The following SPEN variants were observed in gnomAD, a reference collection of about 807,000 sequenced individuals.
SPEN encodes spen family transcriptional repressor.
Under a neutral mutation model 269.9 loss-of-function variants are expected in SPEN, and 18 were observed. The ratio of observed to expected loss-of-function variants is 0.07; its 90% CI spans 0.05 to 0.10. SPEN has a LOEUF of 0.10. Among genes scored for constraint, SPEN ranks in the 10% least tolerant of loss-of-function variants. The pLI is 1.00. For missense variants in SPEN, 3,822 were observed against 4,631.2 expected (o/e 0.83, Z 5.07); for synonymous variants, 1,726 against 1,765.7 (o/e 0.98, Z 0.56).
At chr1:15,936,344 G>A in intron 11 of SPEN, 78 bp downstream of exon 11, 8 of 1,459,258 alleles carry the variant, frequency 5.5e-6, no homozygotes, top group Non-Finnish European at 7.3e-6. Context: ...GCCAAGATGT[G>A]TGAAAGAAAT....
intron 1 of SPEN, among the ~76,000 whole-genome samples, chr1:15,868,208 G>C (rs2070534252): frequency 6.6e-6 from 1 of 151,182 alleles, no homozygotes; most frequent in African/African-American, 2.4e-5. Context: ...AGGTCTTGCT[G>C]TGTTGTGTAG....
intron 3 of SPEN, among the ~76,000 whole-genome samples, chr1:15,877,738 CTTT>C (rs777782248): frequency 2.8e-5 from 3 of 106,800 alleles, no homozygotes; most frequent in Admixed American, 1.0e-4. Context: ...TCAGCTTTCC[CTTT>C]TTTTTTTTTT....
At chr1:15,871,024 A>C (rs1462255175) in intron 1 of SPEN, among the ~76,000 whole-genome samples, 1 of 152,132 alleles carries the variant, frequency 6.6e-6, no homozygotes, top group African/African-American at 2.4e-5. Context: ...TCTGTTGCCC[A>C]GGGTGGATCT....
intron 3 of SPEN, among the ~76,000 whole-genome samples, chr1:15,888,375 G>A (rs1421826868): frequency 6.6e-6 from 1 of 151,794 alleles, no homozygotes; most frequent in African/African-American, 2.4e-5. Flanking sequence ...CCAGGCGGAA[G>A]TGCAGTAGCA....
intron 3 of SPEN, among the ~76,000 whole-genome samples, chr1:15,886,353 T>C (rs1449167159): frequency 6.6e-6 from 1 of 152,072 alleles, no homozygotes; most frequent in African/African-American, 2.4e-5. Context: ...TGGGGGAAAA[T>C]AGGAACTGTT....
Position 15,937,149 on chromosome 1 carries a change from C to T in SPEN, c.10027-14C>T, listed in dbSNP as rs780423336. On this transcript the variant is annotated splice_polypyrimidine_tract_variant and intron_variant, in intron 11 of 14. Coordinates refer to ENST00000375759, the MANE Select transcript of SPEN (RefSeq NM_015001.3). The surrounding 1 kb of genome is among the most constrained non-coding windows in gnomAD (Gnocchi z 5.7). ...AGACTGACTCTGTCCCTTTGCCTTC[C>T]TTCCCTACACCAGGGCCCTCCTCCT... is the stretch of plus-strand genomic sequence containing the variant. 2 of 1,604,014 alleles carry T rather than the reference C, an allele frequency of 1.2e-6. No individual in the cohort carries two copies. Among genetic ancestry groups the T allele is most frequent in the Non-Finnish European group, 1.7e-6 (2 of 1,173,736 alleles).
intron 1 of SPEN, among the ~76,000 whole-genome samples, chr1:15,857,964 T>C (rs963822194): frequency 6.6e-5 from 10 of 151,944 alleles, no homozygotes; most frequent in Non-Finnish European, 1.2e-4. Flanking sequence ...CCTGTGTCTA[T>C]TAAAAATACA....
chr1:15,931,317 C>G lies in SPEN; in HGVS notation c.5077C>G (p.Pro1693Ala). The change falls in exon 11 of 15, where the codon CCT becomes GCT. Residue 1693 changes from proline to alanine, a missense_variant. Pro to Ala is a conservative substitution (Grantham distance 27). Coordinates refer to ENST00000375759, the MANE Select transcript of SPEN (RefSeq NM_015001.3). This position sits in a 1 kb window ranked among gnomAD's most constrained non-coding sequence, Gnocchi z 4.8. ...AKPASEPAPA[P>A]VEQLEQVDLP... ...GCCTGCATCTGAACCTGCTCCTGCCCCTGTGGAACAGCTGGAACAAGTAGA... is the reference window on the plus strand; with the variant it reads ...GCCTGCATCTGAACCTGCTCCTGCCGCTGTGGAACAGCTGGAACAAGTAGA... 6.2e-7 allele frequency: 1 copy of G among 1,614,180 alleles called. No homozygotes were observed. The highest frequency in any genetic ancestry group is 8.5e-7 in the Non-Finnish European group (1 of 1,180,028).
At chr1:15,914,597 C>T (rs935763897) in intron 5 of SPEN, among the ~76,000 whole-genome samples, 5 of 151,880 alleles carry the variant, frequency 3.3e-5, no homozygotes, top group Non-Finnish European at 5.9e-5. Context: ...TTGAGGCGGG[C>T]GGATCACCTG....
At chr1:15,857,789 T>C (rs910101294) in intron 1 of SPEN, among the ~76,000 whole-genome samples, 1 of 152,138 alleles carries the variant, frequency 6.6e-6, no homozygotes, top group Non-Finnish European at 1.5e-5. Flanking sequence ...GCCTTCTCAG[T>C]ATCTGGGACT....
At chr1:15,876,171 G>T in intron 2 of SPEN, 31 bp from the exon 3 acceptor site, 1 of 1,557,998 alleles carries the variant, frequency 6.4e-7, no homozygotes, top group South Asian at 1.1e-5. Context: ...GCTCCTTTCT[G>T]ATTAAATATT....
At chr1:15,897,663 A>C (rs1318942610) in intron 3 of SPEN, among the ~76,000 whole-genome samples, 2 of 149,546 alleles carry the variant, frequency 1.3e-5, no homozygotes, top group Non-Finnish European at 3.0e-5. Context: ...CGCCTGGCCT[A>C]ATTTTTGTAT....
rs779218124 is a variant in SPEN, at chr1:15,873,050, G to A, written c.318G>A (p.Gly106=). ...CATCTCGTAGTAGAGAGGTTTCTGG[G>A]TTCAGAGGAGGTGGTGGAGGGCCTG... The part of the protein sequence containing the change: ...SIASRSREVS[G]FRGGGGGPAY... Residue 106 remains glycine (G), a synonymous_variant, in exon 2 of 15, where the codon GGG becomes GGA. Coordinates refer to ENST00000375759, the MANE Select transcript of SPEN (RefSeq NM_015001.3). 2 of 1,614,150 alleles carry A rather than the reference G, an allele frequency of 1.2e-6. No homozygotes were observed. The highest frequency in any genetic ancestry group is 2.2e-5 in the East Asian group (1 of 44,892).
chr1:15,918,790 T>G (rs896371929), intron 6 of SPEN, 136 bp from the exon 7 acceptor site: 5 of 634,292 alleles, frequency 7.9e-6, no homozygotes, highest in Non-Finnish European at 1.3e-5. Flanking sequence ...TGTATTAAGG[T>G]GTACAGTTTT....
At chr1:15,889,812 C>G (rs943847632) in intron 3 of SPEN, among the ~76,000 whole-genome samples, 1 of 152,082 alleles carries the variant, frequency 6.6e-6, no homozygotes, top group Admixed American at 6.6e-5. Context: ...CTCCCGGGTT[C>G]AAGTGATTCT....
At chr1:15,888,143 C>G (rs1317258475) in intron 3 of SPEN, among the ~76,000 whole-genome samples, 2 of 150,834 alleles carry the variant, frequency 1.3e-5, no homozygotes, top group Non-Finnish European at 2.9e-5. Flanking sequence ...GGGTCTCACT[C>G]TGTCACCCAG....
chr1:15,868,904 G>A (rs1271921001), intron 1 of SPEN, among the ~76,000 whole-genome samples: 1 of 152,140 alleles, frequency 6.6e-6, no homozygotes, highest in African/African-American at 2.4e-5. Context: ...TGTTCAAATT[G>A]TAGGAGTCTT....
Position 15,858,813 on chromosome 1 carries a change from G to A in SPEN, c.83+10663G>A, listed in dbSNP as rs1224603854. Among the ~76,000 whole-genome samples the A allele has an allele frequency of 2.6e-5, 4 of 152,006 alleles. 1 individual carries two copies. The highest frequency in any genetic ancestry group is 5.9e-5 in the Non-Finnish European group (4 of 67,986). ...ACAAAAAAAACCCGGGCACGATGGC[G>A]CACACCAGTAGTCCCAGCTGTTCAG... is the stretch of plus-strand genomic sequence containing the variant. On this transcript the variant is annotated intron_variant, in intron 1 of 14. Coordinates refer to ENST00000375759, the MANE Select transcript of SPEN (RefSeq NM_015001.3).
chr1:15,869,568 A>G (rs1425318665), intron 1 of SPEN, among the ~76,000 whole-genome samples: 1 of 143,844 alleles, frequency 7.0e-6, no homozygotes, highest in African/African-American at 2.6e-5. Context: ...ACAAACATTT[A>G]TTGTCTCTAC....
Sources: gnomAD v4.1 joint callset for allele counts (sites outside exome capture counted in the v4.1 genomes callset) on GRCh38, gnomAD v4.1.1 for gene constraint, Gnocchi (gnomAD v3.1) non-coding constraint, MANE v1.5 for transcripts, NCBI Gene and HGNC (gene_info 2026-07-23, HGNC 2026-07-21) for gene names.